NDUFAF7: variants seen among roughly 807,000 people sequenced by gnomAD.
NDUFAF7 encodes protein arginine methyltransferase NDUFAF7, mitochondrial.
In NDUFAF7, 48 loss-of-function variants were observed where a neutral mutation model predicts 47.2. The observed-to-expected ratio is 1.02, with a 90% CI of 0.81 to 1.29. NDUFAF7 has a LOEUF of 1.29. NDUFAF7 is among the 50% of genes most tolerant of loss of function. The pLI, the probability that NDUFAF7 is intolerant of heterozygous loss-of-function variation, is 0.00. For missense variants in NDUFAF7, 635 were observed against 537.6 expected (o/e 1.18, Z -1.79); for synonymous variants, 217 against 190.0 (o/e 1.14, Z -1.17).
At chr2:37,254,144 AC>A, downstream of NDUFAF7, 1 of 1,273,858 alleles carries the variant, frequency 7.9e-7, no homozygotes, top group Non-Finnish European at 1.1e-6. Flanking sequence ...ATTAGGTGGG[AC>A]AAATCAGAGT....
downstream of NDUFAF7, chr2:37,254,234 A>G (rs992015234): frequency 4.3e-6 from 7 of 1,613,310 alleles, no homozygotes; most frequent in Admixed American, 1.7e-5. Context: ...GAGATTTGTC[A>G]ACACTGTAAC....
chr2:37,248,460 G>A lies in NDUFAF7; in HGVS notation c.*110G>A. 1 of 1,059,812 alleles carries A rather than the reference G, an allele frequency of 9.4e-7. No homozygotes were observed. The highest frequency in any genetic ancestry group is 1.8e-5 in the Admixed American group (1 of 54,926). The allele number at this position is 1,059,812 out of a possible 1,614,324, so 65.7% of individuals were successfully genotyped here. A position where few individuals can be genotyped will look rare whatever the true frequency, so the allele number is the denominator to read the frequency against. ...AGTCAAAGTATTTTATCTTTTCACA[G>A]CAAGAACAGTCCATGTTGTATATAA... is the stretch of plus-strand genomic sequence containing the variant. On this transcript the variant is annotated 3_prime_UTR_variant, in exon 10 of 10. Coordinates refer to ENST00000002125, the MANE Select transcript of NDUFAF7 (RefSeq NM_144736.5).
chr2:37,239,201 C>T (rs537596204), intron 4 of NDUFAF7, among the ~76,000 whole-genome samples: 108 of 151,380 alleles, frequency 7.1e-4, no homozygotes, highest in South Asian at 2.9e-3. Flanking sequence ...TCACTGCAAC[C>T]TCTGCCTCCC....
In NDUFAF7 at chr2:37,248,396, A is replaced by G. The variant is rs1210364685; in HGVS notation, c.*46A>G. ...ACCCTTCAGTCGGCCCAAGAAATCA[A>G]AATAAAGGAAACACATTTCATATAC... On this transcript the variant is annotated 3_prime_UTR_variant, in exon 10 of 10. Coordinates refer to ENST00000002125, the MANE Select transcript of NDUFAF7 (RefSeq NM_144736.5). 2 of 1,545,778 alleles carry G rather than the reference A, an allele frequency of 1.3e-6. No homozygotes were observed. Among genetic ancestry groups the G allele is most frequent in the East Asian group, 4.5e-5 (2 of 44,562 alleles).
chr2:37,237,035 A>G (rs942463589), intron 3 of NDUFAF7, among the ~76,000 whole-genome samples: 3 of 152,080 alleles, frequency 2.0e-5, no homozygotes, highest in African/African-American at 4.8e-5. Flanking sequence ...TAGTGGCGCA[A>G]TCTCGGCTCA....
At chr2:37,267,566 G>T in the NDUFAF7 span, 1 of 1,447,938 alleles carries the variant, frequency 6.9e-7, no homozygotes, top group Non-Finnish European at 9.7e-7. Context: ...AGGAACGAAT[G>T]AAGCAAACTG....
chr2:37,255,652 G>A (rs1394751119), downstream of NDUFAF7, among the ~76,000 whole-genome samples: 2 of 152,136 alleles, frequency 1.3e-5, no homozygotes, highest in African/African-American at 2.4e-5. Flanking sequence ...ATTCATTCAC[G>A]GAGCTCACAG....
chr2:37,259,820 G>C, the NDUFAF7 span: 1 of 619,104 alleles, frequency 1.6e-6, no homozygotes, highest in East Asian at 2.8e-5. Flanking sequence ...TGCTCCTTAA[G>C]GTTAACAATT....
the NDUFAF7 span, among the ~76,000 whole-genome samples, chr2:37,262,816 A>G: frequency 0.01 from 1,569 of 152,168 alleles, 33 homozygotes; most frequent in African/African-American, 0.036. Flanking sequence ...AGTAAGTTAT[A>G]CTTTCATTGA....
the NDUFAF7 span, among the ~76,000 whole-genome samples, chr2:37,261,946 A>G: frequency 6.6e-6 from 1 of 152,234 alleles, no homozygotes; most frequent in African/African-American, 2.4e-5. Context: ...TACATAAGAT[A>G]TTCAACACAT....
At position 37,248,555 on chromosome 2, in the gene NDUFAF7, GTTA is replaced by G; in HGVS notation, c.*208_*210del. ...TGCAAATGTGTGCTCAAGCTAATAA[GTTA>G]TTGTGAAACTGAGTTTCCTTTAACT... On this transcript the variant is annotated 3_prime_UTR_variant, in exon 10 of 10. Coordinates refer to ENST00000002125, the MANE Select transcript of NDUFAF7 (RefSeq NM_144736.5). 5.1e-6 allele frequency: 3 copies of G among 587,566 alleles called. No homozygotes were observed. The South Asian group carries it at 5.9e-5, about 12-fold the overall frequency. 36.4% of individuals were successfully genotyped at this position (587,566 alleles called of 1,614,324 possible).
Position 37,248,438 on chromosome 2 carries a change from C to A in NDUFAF7, c.*88C>A. On this transcript the variant is annotated 3_prime_UTR_variant, in exon 10 of 10. Transcript: ENST00000002125. Reference sequence around the variant, plus strand: ...TTCATATACTGCAGGTAACAAAAGTCAAAGTATTTTATCTTTTCACAGCAA... The same window carrying A: ...TTCATATACTGCAGGTAACAAAAGTAAAAGTATTTTATCTTTTCACAGCAA... 1 of 1,259,230 alleles carries A rather than the reference C, an allele frequency of 7.9e-7. No homozygotes were observed. Among genetic ancestry groups the A allele is most frequent in the South Asian group, 1.2e-5 (1 of 83,250 alleles). The allele number at this position is 1,259,230 out of a possible 1,614,324, so 78.0% of individuals were successfully genotyped here. A position where few individuals can be genotyped will look rare whatever the true frequency, so the allele number is the denominator to read the frequency against.
At chr2:37,232,603 G>C (rs1475468252) in intron 2 of NDUFAF7, among the ~76,000 whole-genome samples, 1 of 152,174 alleles carries the variant, frequency 6.6e-6, no homozygotes, top group East Asian at 1.9e-4. Context: ...CGGGAGGAAG[G>C]ATGGAGAGTT....
intron 4 of NDUFAF7, among the ~76,000 whole-genome samples, chr2:37,240,297 C>T (rs1011214958): frequency 2.4e-4 from 37 of 151,814 alleles, no homozygotes; most frequent in African/African-American, 7.0e-4. Flanking sequence ...CGTCTGTGGT[C>T]GAAGCTAGTT....
intron 7 of NDUFAF7, among the ~76,000 whole-genome samples, chr2:37,244,573 A>G (rs1177121023): frequency 1.0e-5 from 1 of 96,076 alleles, no homozygotes; most frequent in Non-Finnish European, 1.9e-5. Context: ...TAAAGGTACA[A>G]AAAAATCCCT....
the NDUFAF7 span, chr2:37,259,546 G>T: frequency 6.7e-7 from 1 of 1,487,970 alleles, no homozygotes. Flanking sequence ...TGAAAATGTT[G>T]CCAGAATCAT....
chr2:37,268,505 A>G, the NDUFAF7 span: 2 of 355,884 alleles, frequency 5.6e-6, no homozygotes, highest in Non-Finnish European at 1.1e-5. Flanking sequence ...ACGCTCCAAT[A>G]AAGTTCAGTG....
the NDUFAF7 span, among the ~76,000 whole-genome samples, chr2:37,263,761 C>T: frequency 7.2e-5 from 11 of 152,160 alleles, no homozygotes; most frequent in Non-Finnish European, 1.3e-4. Context: ...GTTGTCTCTT[C>T]CTGAAGAGAC....
downstream of NDUFAF7, chr2:37,256,692 G>T: frequency 6.4e-7 from 1 of 1,551,404 alleles, no homozygotes; most frequent in African/African-American, 1.4e-5. Flanking sequence ...CATGGATTTG[G>T]TGGGTACATA....
Sources: allele counts gnomAD v4.1 joint callset (sites outside exome capture counted in the v4.1 genomes callset), GRCh38; gene constraint gnomAD v4.1.1; transcripts MANE v1.5; gene names NCBI Gene and HGNC (gene_info 2026-07-23, HGNC 2026-07-21).